The following CSMD2 variants were observed in gnomAD, a reference collection of about 807,000 sequenced individuals.
CSMD2 encodes CUB and Sushi multiple domains 2.
A neutral mutation model predicts 398.5 loss-of-function variants in CSMD2; 130 were observed. The observed-to-expected ratio is 0.33, with a 90% CI of 0.28 to 0.38. The LOEUF is 0.38. Among genes scored for constraint, CSMD2 ranks in the 10% least tolerant of loss-of-function variants. The pLI is 1.00. For missense variants in CSMD2, 3,829 were observed against 4,764.9 expected (o/e 0.80, Z 5.78); for synonymous variants, 1,828 against 1,908.5 (o/e 0.96, Z 1.10).
At chr1:33,525,972 C>T (rs1285960881) in intron 65 of CSMD2, among the ~76,000 whole-genome samples, 1 of 152,140 alleles carries the variant, frequency 6.6e-6, no homozygotes, top group Non-Finnish European at 1.5e-5. Flanking sequence ...GTGTGAGCCA[C>T]CACACCCGGC....
intron 2 of CSMD2, among the ~76,000 whole-genome samples, chr1:34,076,180 A>C (rs565861238): frequency 6.6e-6 from 1 of 152,294 alleles, no homozygotes; most frequent in South Asian, 2.1e-4. Flanking sequence ...GTCTATTGGC[A>C]CCTTCTCATC....
chr1:33,562,221 AG>A (rs34614066), intron 53 of CSMD2, among the ~76,000 whole-genome samples: 69,134 of 151,974 alleles, frequency 0.45, 16,144 homozygotes, highest in Admixed American at 0.61. Context: ...TGCCTGGTTC[AG>A]GCTCTTACCC....
At chr1:33,629,009 G>T (rs75707598) in intron 32 of CSMD2, among the ~76,000 whole-genome samples, 78 of 151,610 alleles carry the variant, frequency 5.1e-4, no homozygotes, top group African/African-American at 1.8e-3. Context: ...CATGTCAAAA[G>T]GAAAGCATTC....
intron 22 of CSMD2, among the ~76,000 whole-genome samples, chr1:33,700,993 T>C (rs1645595044): frequency 6.6e-6 from 1 of 152,242 alleles, no homozygotes; most frequent in African/African-American, 2.4e-5. Flanking sequence ...GCTTACTCTT[T>C]AGCAGCCTGG....
At chr1:33,764,502 G>T (rs1383649930) in intron 13 of CSMD2, among the ~76,000 whole-genome samples, 1 of 152,188 alleles carries the variant, frequency 6.6e-6, no homozygotes, top group Non-Finnish European at 1.5e-5. Flanking sequence ...TCAGTGTTCA[G>T]GTTCTTGAGG....
At chr1:33,852,625 G>A (rs1225627178) in intron 5 of CSMD2, among the ~76,000 whole-genome samples, 1 of 152,208 alleles carries the variant, frequency 6.6e-6, no homozygotes, top group East Asian at 1.9e-4. Flanking sequence ...GCCCTGCCAT[G>A]ATCCTGGGCA....
rs1190800737 is a variant in CSMD2, at chr1:33,832,555, T to C, written c.1034-6781A>G. Among the ~76,000 whole-genome samples, 45 of 149,680 alleles carry C rather than the reference T, an allele frequency of 3.0e-4. 1 individual carries two copies. The highest frequency in any genetic ancestry group is 6.8e-3 in the Middle Eastern group (2 of 294). Reference sequence around the variant, plus strand: ...TGCCCACAAGAGAAAGCAGGAAAGATCCAAAATTGACACCCTAGCATCACA... The same window carrying C: ...TGCCCACAAGAGAAAGCAGGAAAGACCCAAAATTGACACCCTAGCATCACA... On this transcript the variant is annotated intron_variant, in intron 6 of 70. Coordinates refer to ENST00000373381, the MANE Select transcript of CSMD2 (RefSeq NM_001281956.2).
At chr1:33,674,663 C>T (rs1218215117) in intron 25 of CSMD2, among the ~76,000 whole-genome samples, 1 of 152,214 alleles carries the variant, frequency 6.6e-6, no homozygotes, top group South Asian at 2.1e-4. Flanking sequence ...ACATTCTTTT[C>T]AGCACCACAC....
chr1:33,609,189 C>T (rs757453257), intron 41 of CSMD2, among the ~76,000 whole-genome samples: 1 of 152,102 alleles, frequency 6.6e-6, no homozygotes, highest in Non-Finnish European at 1.5e-5. Context: ...ATGACAAGCC[C>T]AGCCGCACTT....
rs1294903893 is a variant in CSMD2, at chr1:33,915,027, A to G, written c.920+3067T>C. On this transcript the variant is annotated intron_variant, in intron 5 of 70. Coordinates refer to ENST00000373381, the MANE Select transcript of CSMD2 (RefSeq NM_001281956.2). The stretch of plus-strand genomic sequence containing the variant: ...TTAGGGGGAGGGGAAGAGTGTGGAA[A>G]CTGAGTCAGGGACATTGCATGCCAC... Among the ~76,000 whole-genome samples the G allele has an allele frequency of 2.0e-5, 3 of 152,224 alleles. No homozygotes were observed. In the South Asian group the frequency reaches 6.2e-4, roughly 32 times the overall value.
At chr1:33,575,615 G>A (rs1448048156) in intron 49 of CSMD2, among the ~76,000 whole-genome samples, 1 of 152,172 alleles carries the variant, frequency 6.6e-6, no homozygotes, top group Non-Finnish European at 1.5e-5. Flanking sequence ...CTGAAGTCTG[G>A]TGGAGGCTTA....
In CSMD2 at chr1:33,657,346, G is replaced by C. The variant is rs534020994; in HGVS notation, c.4447+600C>G. On this transcript the variant is annotated intron_variant, in intron 27 of 70. Transcript: ENST00000373381. ...AAAATTTGCTGGGTGTGGTGGCACA[G>C]GCCTGCAAGCCCAGCTACTTGGGAG... 1.1e-4 allele frequency among the ~76,000 whole-genome samples: 17 copies of C among 152,264 alleles called. No homozygotes were observed. In the East Asian group the frequency reaches 2.7e-3, roughly 24 times the overall value.
intron 1 of CSMD2, among the ~76,000 whole-genome samples, chr1:34,130,830 T>C (rs1446662960): frequency 6.6e-6 from 1 of 152,120 alleles, no homozygotes; most frequent in Non-Finnish European, 1.5e-5. Context: ...GAGCCCGTTT[T>C]CAAGGGCCTC....
At chr1:33,861,586 G>A (rs1639512986) in intron 5 of CSMD2, among the ~76,000 whole-genome samples, 1 of 152,194 alleles carries the variant, frequency 6.6e-6, no homozygotes, top group Admixed American at 6.5e-5. Context: ...ATCTCCAGAA[G>A]CTCATTACTC....
intron 43 of CSMD2, 104 bp downstream of exon 43, chr1:33,602,265 C>T (rs1640274529): frequency 4.0e-6 from 5 of 1,255,834 alleles, no homozygotes; most frequent in Admixed American, 2.0e-5. Context: ...AAAAACCATT[C>T]ACCTCTTGGT....
intron 3 of CSMD2, among the ~76,000 whole-genome samples, chr1:34,031,787 A>AAAAAAT (rs1650473410): frequency 7.1e-6 from 1 of 141,140 alleles, no homozygotes; most frequent in Non-Finnish European, 1.5e-5. Flanking sequence ...AAAAAAAAAA[A>AAAAAAT]AGCTTTTGGA....
At chr1:34,103,339 A>C (rs559267850) in intron 1 of CSMD2, among the ~76,000 whole-genome samples, 75 of 139,832 alleles carry the variant, frequency 5.4e-4, no homozygotes, top group African/African-American at 1.7e-3. Flanking sequence ...CGCTCTGTCA[A>C]CCAGGCTGGA....
intron 21 of CSMD2, among the ~76,000 whole-genome samples, chr1:33,710,766 A>G (rs56277472): frequency 0.9 from 136,887 of 152,194 alleles, 61,761 homozygotes; most frequent in African/African-American, 0.97. Flanking sequence ...AACCTTCAGA[A>G]CATGGAAACA....
intron 13 of CSMD2, among the ~76,000 whole-genome samples, chr1:33,760,107 G>A (rs1649624171): frequency 6.6e-6 from 1 of 152,136 alleles, no homozygotes; most frequent in Admixed American, 6.5e-5. Flanking sequence ...TTACATGACT[G>A]TTCATCAGCA....
Sources: allele counts gnomAD v4.1 joint callset (sites outside exome capture counted in the v4.1 genomes callset), GRCh38; gene constraint gnomAD v4.1.1; transcripts MANE v1.5; gene names NCBI Gene and HGNC (gene_info 2026-07-23, HGNC 2026-07-21).